LRRTM4: variants seen among roughly 807,000 people sequenced by gnomAD.
The protein encoded by LRRTM4 is leucine-rich repeat transmembrane neuronal protein 4.
In LRRTM4, 25 loss-of-function variants were observed where a neutral mutation model predicts 47.6. The observed-to-expected ratio is 0.53, with a 90% CI of 0.38 to 0.73. The LOEUF is 0.73. Ranked by LOEUF, LRRTM4 falls within the 30% of genes least tolerant of loss-of-function variation. The pLI, the probability that LRRTM4 is intolerant of heterozygous loss-of-function variation, is 0.00. For synonymous variants in LRRTM4, 311 were observed against 269.5 expected (o/e 1.15, Z -1.51); for missense variants, 638 against 713.4 (o/e 0.89, Z 1.20).
chr2:77,047,146 A>G (rs1679261585), intron 3 of LRRTM4, among the ~76,000 whole-genome samples: 1 of 152,128 alleles, frequency 6.6e-6, no homozygotes, highest in Admixed American at 6.6e-5. Context: ...TTAGCAAAGC[A>G]TTTGTTTTTG....
chr2:77,334,790 A>G (rs1317601781), intron 3 of LRRTM4, among the ~76,000 whole-genome samples: 2 of 152,160 alleles, frequency 1.3e-5, no homozygotes. Context: ...TCGGAGATGA[A>G]CTATGTTTTA....
chr2:77,449,548 C>T (rs980872043), intron 3 of LRRTM4, among the ~76,000 whole-genome samples: 1 of 152,260 alleles, frequency 6.6e-6, no homozygotes, highest in East Asian at 1.9e-4. Flanking sequence ...AAGTACCAGG[C>T]TCATTTCCCA....
chr2:77,432,920 T>C (rs538057725), intron 3 of LRRTM4, among the ~76,000 whole-genome samples: 14 of 152,312 alleles, frequency 9.2e-5, no homozygotes, highest in East Asian at 1.9e-4. Flanking sequence ...CTCTTTGGAG[T>C]ATACTTTACA....
At chr2:77,251,753 A>C (rs1457468392) in intron 3 of LRRTM4, among the ~76,000 whole-genome samples, 8 of 152,152 alleles carry the variant, frequency 5.3e-5, no homozygotes, top group Non-Finnish European at 1.2e-4. Context: ...CTCACCCACT[A>C]TACTCTGTGA....
chr2:77,066,758 G>C (rs1236532631), intron 3 of LRRTM4, among the ~76,000 whole-genome samples: 2 of 152,154 alleles, frequency 1.3e-5, no homozygotes, highest in African/African-American at 2.4e-5. Context: ...AAAATAATAG[G>C]AGCTACTAAA....
chr2:77,446,485 T>C (rs1380438540), intron 3 of LRRTM4, among the ~76,000 whole-genome samples: 3 of 152,062 alleles, frequency 2.0e-5, no homozygotes, highest in African/African-American at 7.2e-5. Context: ...TAGCTTATAT[T>C]GAATATTAAC....
chr2:76,937,251 G>A (rs1464621037), intron 3 of LRRTM4, among the ~76,000 whole-genome samples: 1 of 151,944 alleles, frequency 6.6e-6, no homozygotes, highest in Admixed American at 6.6e-5. Flanking sequence ...GGAGGCATAT[G>A]GCAAAAATAT....
chr2:77,315,069 A>G (rs1476521681), intron 3 of LRRTM4, among the ~76,000 whole-genome samples: 1 of 152,190 alleles, frequency 6.6e-6, no homozygotes, highest in East Asian at 1.9e-4. Flanking sequence ...ATATTTTCAA[A>G]TTACAACAGG....
intron 3 of LRRTM4, among the ~76,000 whole-genome samples, chr2:77,146,819 C>T (rs752808745): frequency 6.6e-6 from 1 of 152,072 alleles, no homozygotes; most frequent in African/African-American, 2.4e-5. Flanking sequence ...GCAACTTATG[C>T]AGACAGTTGG....
At chr2:76,785,555 TC>T (rs1195088420) in intron 3 of LRRTM4, among the ~76,000 whole-genome samples, 1 of 152,122 alleles carries the variant, frequency 6.6e-6, no homozygotes, top group East Asian at 1.9e-4. Context: ...GGAAGGTGTT[TC>T]TAGTGTTTAG....
chr2:77,307,975 G>T (rs1324414863), intron 3 of LRRTM4, among the ~76,000 whole-genome samples: 1 of 105,346 alleles, frequency 9.5e-6, no homozygotes, highest in African/African-American at 4.4e-5. Context: ...ATATATTATA[G>T]AAATATAAAT....
intron 3 of LRRTM4, among the ~76,000 whole-genome samples, chr2:77,315,213 C>G (rs1677585031): frequency 6.6e-6 from 1 of 152,132 alleles, no homozygotes; most frequent in Non-Finnish European, 1.5e-5. Context: ...GACATCTACA[C>G]ATTTATGACT....
chr2:77,469,355 G>T (rs1207901012), intron 3 of LRRTM4, among the ~76,000 whole-genome samples: 1 of 152,146 alleles, frequency 6.6e-6, no homozygotes, highest in Admixed American at 6.5e-5. Context: ...CCCATTTGAT[G>T]GAGAAAGAGA....
chr2:77,084,065 A>T (rs1680628715), intron 3 of LRRTM4, among the ~76,000 whole-genome samples: 1 of 151,944 alleles, frequency 6.6e-6, no homozygotes, highest in African/African-American at 2.4e-5. Context: ...TCGGCCTCCC[A>T]AAGTGCTGGG....
chr2:77,006,900 T>G (rs1339270641), intron 3 of LRRTM4, among the ~76,000 whole-genome samples: 1 of 152,058 alleles, frequency 6.6e-6, no homozygotes, highest in African/African-American at 2.4e-5. Context: ...GGACAGCAGT[T>G]GTACCAAATG....
intron 3 of LRRTM4, among the ~76,000 whole-genome samples, chr2:77,146,188 T>C (rs6547125): frequency 0.063 from 9,528 of 152,268 alleles, 714 homozygotes; most frequent in East Asian, 0.18. Flanking sequence ...TTCCTAGGGA[T>C]ATAAGGTCCT....
chr2:77,090,791 A>ACT (rs1670598576), intron 3 of LRRTM4, among the ~76,000 whole-genome samples: 2 of 152,088 alleles, frequency 1.3e-5, no homozygotes, highest in South Asian at 2.1e-4. Flanking sequence ...AGCCCCTGGA[A>ACT]CTCTGGCCCA....
At chr2:77,439,749 G>A (rs1293172503) in intron 3 of LRRTM4, among the ~76,000 whole-genome samples, 1 of 152,048 alleles carries the variant, frequency 6.6e-6, no homozygotes, top group Non-Finnish European at 1.5e-5. Flanking sequence ...TACAGGTGAC[G>A]CTACTATACT....
chr2:77,236,011 C>T (rs541857042), intron 3 of LRRTM4, among the ~76,000 whole-genome samples: 25 of 151,940 alleles, frequency 1.6e-4, no homozygotes, highest in South Asian at 8.3e-4. Context: ...ATTCCTTTTT[C>T]GTTCCATATA....
Sources: allele counts gnomAD v4.1 joint callset (sites outside exome capture counted in the v4.1 genomes callset), GRCh38; gene constraint gnomAD v4.1.1; transcripts MANE v1.5; gene names NCBI Gene and HGNC (gene_info 2026-07-23, HGNC 2026-07-21).